Variants in ZNF500 observed in about 807,000 individuals in gnomAD.
The protein encoded by ZNF500 is zinc finger protein 500, also known as zinc finger protein with KRAB and SCAN domains 18.
A neutral mutation model predicts 30.1 loss-of-function variants in ZNF500; 31 were observed. The ratio of observed to expected loss-of-function variants is 1.03; its 90% CI spans 0.77 to 1.39. The LOEUF (loss-of-function observed/expected upper bound fraction) is 1.39, where lower values mean the gene tolerates loss of function less well. Ranked by LOEUF, ZNF500 falls within the 40% of genes most tolerant of loss-of-function variation. The pLI, the probability that ZNF500 is intolerant of heterozygous loss-of-function variation, is 0.00. For missense variants in ZNF500, 817 were observed against 657.8 expected, an observed-to-expected ratio of 1.24 and a Z score of -2.65; for synonymous variants, 392 against 282.0, an observed-to-expected ratio of 1.39 and a Z score of -3.91.
In ZNF500 at chr16:4,752,565, G is replaced by A. The variant is rs556336627; in HGVS notation, c.1254C>T (p.Phe418=). 1.9e-6 allele frequency: 3 copies of A among 1,576,244 alleles called. No homozygotes were observed. Among genetic ancestry groups the A allele is most frequent in the African/African-American group, 2.7e-5 (2 of 74,086 alleles). Residue 418 remains phenylalanine, a synonymous_variant, in exon 6 of 6, where the codon TTC becomes TTT. Transcript: ENST00000219478. ...GGGCGCTGAAGTGCGAGCTGTTGTT[G>A]AAGCGCTTCCCGCACTGGGTGCAGG... ...PYACTQCGKR[F]NNSSHFSAHR...
At chr16:4,764,704 T>C (rs968658159) in intron 2 of ZNF500, among the ~76,000 whole-genome samples, 27 of 146,080 alleles carry the variant, frequency 1.8e-4, no homozygotes, top group Admixed American at 1.5e-3. Flanking sequence ...ATGGCGTGAA[T>C]CCGGGAGGCG....
rs763157438 is a variant in ZNF500 at position 4,765,804 on chromosome 16, G to T, written c.175C>A (p.Gln59Lys). The change falls in exon 2 of 6, where the codon CAG (glutamine) becomes AAG (lysine). Residue 59 changes from glutamine to lysine, a missense_variant. By Grantham distance (53) the Gln-to-Lys change is moderately conservative. Coordinates refer to ENST00000219478, the MANE Select transcript of ZNF500 (RefSeq NM_021646.4). ...GCCTCCCGGGGCCCAGCCACCTCCTGGTAGCAGAAGAGCCGGAAGAGCTGG... is the reference window on the plus strand; with the variant it reads ...GCCTCCCGGGGCCCAGCCACCTCCTTGTAGCAGAAGAGCCGGAAGAGCTGG... ...FRQLFRLFCYQEVAGPREALS... is the reference protein window; with the variant it reads ...FRQLFRLFCYKEVAGPREALS... The T allele has an allele frequency of 6.2e-7, 1 of 1,613,392 alleles. No individual in the cohort carries two copies. The highest frequency in any genetic ancestry group is 1.1e-5 in the South Asian group (1 of 91,070).
downstream of ZNF500, chr16:4,747,102 T>A (rs1329535736): frequency 7.2e-7 from 1 of 1,388,950 alleles, no homozygotes; most frequent in Non-Finnish European, 9.7e-7. Context: ...ACCTGGCACA[T>A]TTACCGCCTG....
chr16:4,752,613 T>G lies in ZNF500; in HGVS notation c.1206A>C (p.Thr402=), dbSNP rs187045909. Residue 402 remains threonine (T), a synonymous_variant, in exon 6 of 6, where the codon ACA becomes ACC. Coordinates refer to ENST00000219478, the MANE Select transcript of ZNF500 (RefSeq NM_021646.4). ...QSSSLVIHRR[T]HSGERPYACT... is the part of the protein sequence containing the mutation. ...AGGCATAGGGCCGCTCCCCGCTGTG[T>G]GTCCTGCGGTGGATGACCAGGCTGG... The G allele has an allele frequency of 3.9e-4, 630 of 1,605,672 alleles. 2 individuals carry two copies. Among genetic ancestry groups the G allele is most frequent in the Non-Finnish European group, 2.6e-5 (30 of 1,176,230 alleles).
rs774868894 is a variant in ZNF500, at chr16:4,753,078, A to C, written c.761-20T>G. 1 of 1,503,966 alleles carries C rather than the reference A, an allele frequency of 6.6e-7. No homozygotes were observed. Among genetic ancestry groups the C allele is most frequent in the South Asian group, 1.3e-5 (1 of 75,128 alleles). The allele number at this position is 1,503,966 out of a possible 1,614,324, so 93.2% of individuals were successfully genotyped here. A position where few individuals can be genotyped will look rare whatever the true frequency, so the allele number is the denominator to read the frequency against. On this transcript the variant is annotated intron_variant, in intron 5 of 5. Transcript: ENST00000219478. ...CAGGTCCTGAGACAGAGAAAGCACG[A>C]TCTCTAGGAACTCACAGCAAGAGGG...
chr16:4,752,301 C>A lies in ZNF500; in HGVS notation c.*75G>T. ...ACGGGCAGCTGGCAATGCTTTCGGA[C>A]CAGGCTGTCTAGCAGTTTCCTGAAT... On this transcript the variant is annotated 3_prime_UTR_variant, in exon 6 of 6. Coordinates refer to ENST00000219478, the MANE Select transcript of ZNF500 (RefSeq NM_021646.4). 7.0e-7 allele frequency: 1 copy of A among 1,431,374 alleles called. No individual in the cohort carries two copies. The highest frequency in any genetic ancestry group is 1.5e-5 in the South Asian group (1 of 66,116). The allele number at this position is 1,431,374 out of a possible 1,614,324, so 88.7% of individuals were successfully genotyped here.
rs2082086435 is a variant in ZNF500, at chr16:4,752,159, G to GCC, written c.*215_*216dup. On this transcript the variant is annotated 3_prime_UTR_variant, in exon 6 of 6. Coordinates refer to ENST00000219478, the MANE Select transcript of ZNF500 (RefSeq NM_021646.4). ...CTGCTCTGTGTCACCTGTTCTGGCT[G>GCC]CCACTGGACACTCAGAGCCTGTCCT... The GCC allele has an allele frequency of 1.4e-6, 2 of 1,382,000 alleles. No individual in the cohort carries two copies. The highest frequency in any genetic ancestry group is 1.5e-5 in the African/African-American group (1 of 68,872). 85.6% of individuals were successfully genotyped at this position (1,382,000 alleles called of 1,614,324 possible). A position where few individuals can be genotyped will look rare whatever the true frequency, so the allele number is the denominator to read the frequency against.
At chr16:4,744,899 C>A, downstream of ZNF500, 3 of 1,613,826 alleles carry the variant, frequency 1.9e-6, no homozygotes, top group Non-Finnish European at 2.5e-6. Flanking sequence ...CCACAACAGG[C>A]TCATGGAACA....
At chr16:4,757,221 G>A (rs973460113) in intron 5 of ZNF500, among the ~76,000 whole-genome samples, 1 of 152,206 alleles carries the variant, frequency 6.6e-6, no homozygotes, top group Non-Finnish European at 1.5e-5. Context: ...AAGAGTGAAA[G>A]AACAAGTTTC....
chr16:4,757,128 G>A (rs958805629), intron 5 of ZNF500, among the ~76,000 whole-genome samples: 5 of 152,156 alleles, frequency 3.3e-5, no homozygotes, highest in Admixed American at 6.6e-5. Context: ...GATACGAAAC[G>A]CCACTGAACC....
At chr16:4,763,861 G>T in intron 2 of ZNF500, 1 of 985,460 alleles carries the variant, frequency 1.0e-6, no homozygotes, top group Non-Finnish European at 1.2e-6. Context: ...TAGGGGATGT[G>T]CCTCCTCTGT....
At chr16:4,744,640 C>T (rs1173874740), downstream of ZNF500, among the ~76,000 whole-genome samples, 1 of 130,998 alleles carries the variant, frequency 7.6e-6, no homozygotes, top group African/African-American at 2.8e-5. Context: ...CCTACTTCAC[C>T]AAGCCCTTGT....
chr16:4,766,988 A>ACCCGCGTC (rs893414721), intron 1 of ZNF500, 29 bp downstream of exon 1: 3 of 152,150 alleles, frequency 2.0e-5, no homozygotes, highest in Non-Finnish European at 4.4e-5. Flanking sequence ...TTCGGCCGGG[A>ACCCGCGTC]CCCGCGTCCC....
intron 5 of ZNF500, among the ~76,000 whole-genome samples, chr16:4,754,967 G>A (rs146060043): frequency 9.0e-4 from 137 of 152,154 alleles, no homozygotes; most frequent in Non-Finnish European, 1.5e-3. Flanking sequence ...AAAAGTGAGC[G>A]GCACCTCCCC....
chr16:4,752,940 C>T lies in ZNF500; in HGVS notation c.879G>A (p.Gln293=). The T allele has an allele frequency of 6.2e-7, 1 of 1,612,302 alleles. No individual in the cohort carries two copies. Among genetic ancestry groups the T allele is most frequent in the Non-Finnish European group, 8.5e-7 (1 of 1,179,186 alleles). The change falls in exon 6 of 6, where the codon CAG becomes CAA. Residue 293 remains glutamine (Q), a synonymous_variant. Coordinates refer to ENST00000219478, the MANE Select transcript of ZNF500 (RefSeq NM_021646.4). The stretch of plus-strand genomic sequence containing the variant: ...CCAAGCCCCTGACTGGGGCTGGCCT[C>T]TGACCTGGGAGCGGGTGGCCAGGCC... ...CQGPGHPLPG[Q]RPAPVRGLVR...
chr16:4,765,216 G>C (rs1029798858), intron 2 of ZNF500, among the ~76,000 whole-genome samples: 6 of 152,078 alleles, frequency 3.9e-5, no homozygotes, highest in Non-Finnish European at 8.8e-5. Context: ...TGGGAGGATT[G>C]CTTGAAGCCT....
At position 4,752,351 on chromosome 16, in the gene ZNF500, G is replaced by A. The variant is rs1481229935; in HGVS notation, c.*25C>T. 4 of 1,462,536 alleles carry A rather than the reference G, an allele frequency of 2.7e-6. No individual in the cohort carries two copies. In the South Asian group the frequency reaches 4.1e-5, roughly 15 times the overall value. 90.6% of individuals were successfully genotyped at this position (1,462,536 alleles called of 1,614,324 possible). On this transcript the variant is annotated 3_prime_UTR_variant, in exon 6 of 6. Transcript: ENST00000219478. ...TTCTGTGCCCAGGGATGAGAGTCCT[G>A]GAAAGGGAGTTTCAGGCCTGGTGAT...
At chr16:4,745,289 A>G (rs935104782), downstream of ZNF500, among the ~76,000 whole-genome samples, 15 of 152,106 alleles carry the variant, frequency 9.9e-5, no homozygotes, top group African/African-American at 1.7e-4. Context: ...CCTCCTTTCA[A>G]TGGGAGGCCA....
At chr16:4,755,446 A>T (rs1328703578) in intron 5 of ZNF500, among the ~76,000 whole-genome samples, 1 of 152,106 alleles carries the variant, frequency 6.6e-6, no homozygotes, top group Non-Finnish European at 1.5e-5. Flanking sequence ...GCTCCCGAGT[A>T]GCTGGGATTA....
Sources: gnomAD v4.1 joint callset for allele counts (sites outside exome capture counted in the v4.1 genomes callset) on GRCh38, gnomAD v4.1.1 for gene constraint, MANE v1.5 for transcripts, NCBI Gene and HGNC (gene_info 2026-07-23, HGNC 2026-07-21) for gene names.